IAPP: variants seen among roughly 807,000 people sequenced by gnomAD.
The protein encoded by IAPP is Islet amyloid polypeptide (diabetes-associated peptide; amylin).
IAPP carries 4 observed loss-of-function variants against 2.9 expected under a neutral mutation model. The ratio of observed to expected loss-of-function variants is 1.39; its 90% CI spans 0.69 to 3.19. The LOEUF is 3.19. Ranked by LOEUF, IAPP falls within the 30% of genes most tolerant of loss-of-function variation. The pLI, the probability that IAPP is intolerant of heterozygous loss-of-function variation, is 0.01. For missense variants in IAPP, 114 were observed against 105.3 expected (o/e 1.08, Z -0.36); for synonymous variants, 40 against 42.1 (o/e 0.95, Z 0.19).
upstream of IAPP, among the ~76,000 whole-genome samples, chr12:21,371,491 T>C (rs1939785416): frequency 6.6e-6 from 1 of 152,194 alleles, no homozygotes; most frequent in African/African-American, 2.4e-5. Context: ...CTAAACAAGT[T>C]TCTTTCCTCC....
intron 1 of IAPP, among the ~76,000 whole-genome samples, chr12:21,359,107 A>C (rs1241350269): frequency 6.6e-6 from 1 of 152,192 alleles, no homozygotes; most frequent in Non-Finnish European, 1.5e-5. Flanking sequence ...AAAACTCAGA[A>C]GCAAGGCCAT....
chr12:21,372,697 T>TTAAC (rs544736143), upstream of IAPP, among the ~76,000 whole-genome samples: 375 of 152,352 alleles, frequency 2.5e-3, 2 homozygotes, highest in Admixed American at 4.6e-3. Flanking sequence ...TGACACACCA[T>TTAAC]TAACTGCACA....
chr12:21,360,046 A>C (rs997365538), intron 1 of IAPP, among the ~76,000 whole-genome samples: 4 of 152,320 alleles, frequency 2.6e-5, no homozygotes, highest in African/African-American at 9.6e-5. Flanking sequence ...AAAGGAATAC[A>C]TGCTATACTA....
intron 1 of IAPP, among the ~76,000 whole-genome samples, chr12:21,356,464 C>T (rs570196252): frequency 5.3e-5 from 8 of 150,308 alleles, no homozygotes; most frequent in Non-Finnish European, 8.9e-5. Flanking sequence ...AATAGAAGAA[C>T]GGGCACAGTG....
chr12:21,376,329 G>A, intron 2 of IAPP: 1 of 356,634 alleles, frequency 2.8e-6, no homozygotes. Flanking sequence ...TGAGATGTTT[G>A]GACCAAATTC....
At chr12:21,371,371 C>T (rs539643409), upstream of IAPP, among the ~76,000 whole-genome samples, 3 of 151,598 alleles carry the variant, frequency 2.0e-5, no homozygotes, top group South Asian at 2.1e-4. Flanking sequence ...TATCTTCTTA[C>T]GGAAATGCAT....
upstream of IAPP, among the ~76,000 whole-genome samples, chr12:21,371,884 C>G (rs988853358): frequency 6.6e-6 from 1 of 151,926 alleles, no homozygotes; most frequent in Non-Finnish European, 1.5e-5. Context: ...TGCCTGTAAT[C>G]CCAGCTACTC....
At chr12:21,358,014 G>A (rs1938511273) in intron 1 of IAPP, among the ~76,000 whole-genome samples, 1 of 152,090 alleles carries the variant, frequency 6.6e-6, no homozygotes, top group Admixed American at 6.6e-5. Context: ...CGTGAGGTGG[G>A]GCAGGGTGGA....
chr12:21,358,784 A>G (rs1486178825), intron 1 of IAPP, among the ~76,000 whole-genome samples: 1 of 152,190 alleles, frequency 6.6e-6, no homozygotes, highest in African/African-American at 2.4e-5. Flanking sequence ...GCAAACCATT[A>G]AATACTGAAT....
rs757281888 is a variant in IAPP at position 21,378,288 on chromosome 12, C to A, written c.132C>A (p.Arg44=). The change falls in exon 3 of 3, where the codon CGC becomes CGA. Residue 44 remains arginine (R), a synonymous_variant. Transcript: ENST00000240652. ...KCNTATCATQ[R]LANFLVHSSN... ...ACACTGCCACATGTGCAACGCAGCG[C>A]CTGGCAAATTTTTTAGTTCATTCCA... 6.2e-7 allele frequency: 1 copy of A among 1,614,078 alleles called. No homozygotes were observed. Among genetic ancestry groups the A allele is most frequent in the Non-Finnish European group, 8.5e-7 (1 of 1,180,028 alleles).
rs183136987 is a variant in IAPP at position 21,377,456 on chromosome 12, G to A, written c.81-781G>A. ...ACCCTTTTAACAAATTTTTAAGCAT[G>A]CAATACATTATTCTGGATTATGTGC... is the stretch of plus-strand genomic sequence containing the variant. On this transcript the variant is annotated intron_variant, in intron 2 of 2. Transcript: ENST00000240652. Among the ~76,000 whole-genome samples the A allele has an allele frequency of 3.9e-4, 59 of 152,162 alleles. 1 individual carries two copies. The East Asian group carries it at 7.5e-3, about 19-fold the overall frequency.
chr12:21,371,951 G>A (rs1442780319), upstream of IAPP, among the ~76,000 whole-genome samples: 1 of 151,480 alleles, frequency 6.6e-6, no homozygotes, highest in South Asian at 2.1e-4. Flanking sequence ...ACAGTGAGCC[G>A]AGATCGCACC....
intron 1 of IAPP, among the ~76,000 whole-genome samples, chr12:21,355,216 G>A (rs780862355): frequency 1.3e-5 from 2 of 152,052 alleles, no homozygotes; most frequent in African/African-American, 2.4e-5. Context: ...GGATTATTAC[G>A]ACCTTTATAG....
intron 1 of IAPP, among the ~76,000 whole-genome samples, chr12:21,359,402 A>G (rs1591878117): frequency 6.7e-6 from 1 of 149,172 alleles, no homozygotes; most frequent in African/African-American, 2.5e-5. Context: ...AACATTAGTG[A>G]AAAAAAAAAC....
intron 1 of IAPP, among the ~76,000 whole-genome samples, chr12:21,355,219 C>T (rs1337332352): frequency 2.6e-5 from 4 of 152,102 alleles, no homozygotes; most frequent in Non-Finnish European, 5.9e-5. Flanking sequence ...TTATTACGAC[C>T]TTTATAGAGT....
upstream of IAPP, among the ~76,000 whole-genome samples, chr12:21,369,118 A>T (rs1239364419): frequency 2.0e-5 from 3 of 152,190 alleles, no homozygotes; most frequent in Non-Finnish European, 4.4e-5. Context: ...AATTTGATAA[A>T]ATGTAAAAAT....
chr12:21,365,893 G>C (rs10841799), intron 1 of IAPP, among the ~76,000 whole-genome samples: 1 of 151,894 alleles, frequency 6.6e-6, no homozygotes, highest in Non-Finnish European at 1.5e-5. Flanking sequence ...AAAAAGTCAG[G>C]AAACAACAGG....
At chr12:21,378,034 A>G (rs900355398) in intron 2 of IAPP, among the ~76,000 whole-genome samples, 1 of 152,342 alleles carries the variant, frequency 6.6e-6, no homozygotes, top group Non-Finnish European at 1.5e-5. Context: ...CTGTAATGAA[A>G]GATGTTGTAT....
chr12:21,364,357 C>T (rs1235412405), intron 1 of IAPP, among the ~76,000 whole-genome samples: 1 of 152,152 alleles, frequency 6.6e-6, no homozygotes. Flanking sequence ...GCTCTTCATG[C>T]TGAAAACTCT....
Sources: allele counts gnomAD v4.1 joint callset (sites outside exome capture counted in the v4.1 genomes callset), GRCh38; gene constraint gnomAD v4.1.1; transcripts MANE v1.5; gene names NCBI Gene and HGNC (gene_info 2026-07-23, HGNC 2026-07-21).